Variants in CEP112 observed in about 807,000 individuals in gnomAD.
The protein encoded by CEP112 is centrosomal protein 112, also known as centrosomal protein of 112 kDa.
CEP112 carries 127 observed loss-of-function variants against 153.0 expected under a neutral mutation model. That is an observed-to-expected ratio of 0.83 (90% confidence interval 0.72 to 0.96). The LOEUF is 0.96. CEP112 is among the 40% of genes least tolerant of loss of function. CEP112 has a pLI of 0.00. For synonymous variants in CEP112, 358 were observed against 374.4 expected, an observed-to-expected ratio of 0.96 and a Z score of 0.51; for missense variants, 1,089 against 1,101.2, an observed-to-expected ratio of 0.99 and a Z score of 0.16.
intron 3 of CEP112, among the ~76,000 whole-genome samples, chr17:66,175,681 C>A (rs1406548436): frequency 6.6e-6 from 1 of 152,118 alleles, no homozygotes; most frequent in African/African-American, 2.4e-5. Flanking sequence ...GAGTGAAAAA[C>A]CTGGGATTTA....
At chr17:66,100,694 C>A (rs2068534886) in intron 6 of CEP112, among the ~76,000 whole-genome samples, 1 of 152,036 alleles carries the variant, frequency 6.6e-6, no homozygotes, top group Non-Finnish European at 1.5e-5. Flanking sequence ...TACTCTCACT[C>A]TTTACCTTGG....
At chr17:65,733,202 G>A (rs898651686) in intron 23 of CEP112, among the ~76,000 whole-genome samples, 2 of 152,174 alleles carry the variant, frequency 1.3e-5, no homozygotes, top group Non-Finnish European at 2.9e-5. Flanking sequence ...GGAGAGAGAT[G>A]GGGGAATGGC....
chr17:66,037,988 A>G (rs1034591286), intron 12 of CEP112, among the ~76,000 whole-genome samples: 2 of 152,002 alleles, frequency 1.3e-5, no homozygotes, highest in Non-Finnish European at 2.9e-5. Context: ...GAAGGCTGAC[A>G]TAAGGTTAGG....
intron 4 of CEP112, among the ~76,000 whole-genome samples, chr17:66,150,834 A>C (rs2071177790): frequency 6.6e-6 from 1 of 152,174 alleles, no homozygotes; most frequent in South Asian, 2.1e-4. Flanking sequence ...TCCCTTTGGT[A>C]CTATTAGTTT....
chr17:65,949,259 G>A (rs2061741140), intron 18 of CEP112, among the ~76,000 whole-genome samples: 1 of 152,090 alleles, frequency 6.6e-6, no homozygotes, highest in African/African-American at 2.4e-5. Context: ...TTCTAAATGG[G>A]GTCCCTTGTT....
At chr17:66,117,925 A>G (rs1452535124) in intron 6 of CEP112, among the ~76,000 whole-genome samples, 1 of 152,208 alleles carries the variant, frequency 6.6e-6, no homozygotes, top group Non-Finnish European at 1.5e-5. Context: ...CAAATCATTA[A>G]TCATCAAAGA....
chr17:65,776,774 G>T (rs1000921373), intron 21 of CEP112, among the ~76,000 whole-genome samples: 2 of 104,390 alleles, frequency 1.9e-5, no homozygotes, highest in African/African-American at 2.7e-5. Flanking sequence ...TGGTTTTAGA[G>T]ATTTTTATAA....
intron 8 of CEP112, among the ~76,000 whole-genome samples, chr17:66,093,631 G>A (rs1465612654): frequency 6.8e-6 from 1 of 147,794 alleles, no homozygotes; most frequent in African/African-American, 2.5e-5. Context: ...GGAGATTAAA[G>A]ACCAGTATAA....
intron 14 of CEP112, 45 bp from the exon 15 acceptor site, chr17:66,028,450 G>A: frequency 1.4e-5 from 16 of 1,170,826 alleles, no homozygotes; most frequent in East Asian, 2.6e-5. Flanking sequence ...ATTGATTTTT[G>A]TACCATATTA....
At position 65,700,138 on chromosome 17, in the gene CEP112, CGGATAT is replaced by C. The variant is rs879533823; in HGVS notation, c.2608-10926_2608-10921del. Among the ~76,000 whole-genome samples, 171 of 152,074 alleles carry C rather than the reference CGGATAT, an allele frequency of 1.1e-3. 1 individual carries two copies. The highest frequency in any genetic ancestry group is 2.3e-3 in the South Asian group (11 of 4,814). ...TCCTCCTCCTCTTCTCTCTCACTTGCGGATATTTCCCTAACTAGGTTCTTACCTCTC... is the reference window on the plus strand; with the variant it reads ...TCCTCCTCCTCTTCTCTCTCACTTGCTTCCCTAACTAGGTTCTTACCTCTC... On this transcript the variant is annotated intron_variant, in intron 23 of 26. Coordinates refer to ENST00000535342, the MANE Select transcript of CEP112 (RefSeq NM_001199165.4).
chr17:66,102,466 G>A (rs1389332605), intron 6 of CEP112, among the ~76,000 whole-genome samples: 1 of 151,844 alleles, frequency 6.6e-6, no homozygotes, highest in Admixed American at 6.6e-5. Flanking sequence ...AACATTAATA[G>A]ATTAAAGGAA....
At chr17:66,142,985 C>T (rs1052869187) in intron 4 of CEP112, among the ~76,000 whole-genome samples, 11 of 152,162 alleles carry the variant, frequency 7.2e-5, no homozygotes, top group Non-Finnish European at 1.5e-5. Flanking sequence ...CACAGGATAT[C>T]TTTCCATTTA....
intron 23 of CEP112, among the ~76,000 whole-genome samples, chr17:65,698,413 C>T (rs1598342395): frequency 1.3e-5 from 2 of 152,256 alleles, no homozygotes; most frequent in Middle Eastern, 3.4e-3. Flanking sequence ...ATTTTCAGTC[C>T]TTTAAAATTC....
intron 24 of CEP112, among the ~76,000 whole-genome samples, chr17:65,642,887 T>A (rs921347596): frequency 6.6e-6 from 1 of 152,270 alleles, no homozygotes; most frequent in African/African-American, 2.4e-5. Context: ...AAACAACTCA[T>A]GCATGCGCTA....
At chr17:65,639,262 C>T (rs1327703677) in intron 25 of CEP112, among the ~76,000 whole-genome samples, 1 of 152,154 alleles carries the variant, frequency 6.6e-6, no homozygotes, top group Admixed American at 6.5e-5. Flanking sequence ...TGGATATCAT[C>T]AAACCATATC....
chr17:65,786,409 T>C (rs2054275386), intron 21 of CEP112, among the ~76,000 whole-genome samples: 1 of 152,052 alleles, frequency 6.6e-6, no homozygotes. Context: ...ACTTTTCTTT[T>C]CTTGCCAGAC....
intron 12 of CEP112, among the ~76,000 whole-genome samples, chr17:66,035,037 G>T (rs1411810626): frequency 7.6e-6 from 1 of 132,438 alleles, no homozygotes; most frequent in Non-Finnish European, 1.6e-5. Flanking sequence ...ATGGAGTTTC[G>T]CCACGTTGCC....
chr17:65,970,617 T>C (rs2062696939), intron 17 of CEP112, among the ~76,000 whole-genome samples: 1 of 151,964 alleles, frequency 6.6e-6, no homozygotes, highest in African/African-American at 2.4e-5. Context: ...TGCAGGCATA[T>C]GGAATGGAAG....
chr17:65,669,894 C>T (rs1470255654), intron 24 of CEP112, among the ~76,000 whole-genome samples: 2 of 131,908 alleles, frequency 1.5e-5, no homozygotes, highest in African/African-American at 3.0e-5. Flanking sequence ...CAGAGCGAGA[C>T]TTCGTCTTGA....
Sources: gnomAD v4.1 joint callset for allele counts (sites outside exome capture counted in the v4.1 genomes callset) on GRCh38, gnomAD v4.1.1 for gene constraint, MANE v1.5 for transcripts, NCBI Gene and HGNC (gene_info 2026-07-23, HGNC 2026-07-21) for gene names.